Variants in ALKBH1 observed in about 807,000 individuals in gnomAD.
The protein encoded by ALKBH1 is nucleic acid dioxygenase ALKBH1.
In ALKBH1, 31 loss-of-function variants were observed where a neutral mutation model predicts 36.6. The observed-to-expected ratio is 0.85, with a 90% CI of 0.64 to 1.14. ALKBH1 has a LOEUF of 1.14. Ranked by LOEUF, ALKBH1 falls within the 50% of genes most tolerant of loss-of-function variation. The pLI, the probability that ALKBH1 is intolerant of heterozygous loss-of-function variation, is 0.00. For synonymous variants in ALKBH1, 183 were observed against 186.6 expected, an observed-to-expected ratio of 0.98 and a Z score of 0.16; for missense variants, 490 against 497.3, an observed-to-expected ratio of 0.99 and a Z score of 0.14.
At chr14:77,688,799 C>T (rs564571985) in intron 3 of ALKBH1, among the ~76,000 whole-genome samples, 16 of 151,850 alleles carry the variant, frequency 1.1e-4, no homozygotes, top group African/African-American at 2.9e-4. Context: ...CTTGAACTCC[C>T]GACCTCAGGT....
intron 3 of ALKBH1, among the ~76,000 whole-genome samples, chr14:77,688,015 C>A (rs1165309709): frequency 6.6e-6 from 1 of 152,040 alleles, no homozygotes; most frequent in Non-Finnish European, 1.5e-5. Flanking sequence ...ACAGGCATTT[C>A]AAAAAACAGT....
chr14:77,694,862 G>A lies in ALKBH1; in HGVS notation c.331C>T (p.Gln111Ter). 3 of 1,579,022 alleles carry A rather than the reference G, an allele frequency of 1.9e-6. No individual in the cohort carries two copies. The highest frequency in any genetic ancestry group is 2.6e-6 in the Non-Finnish European group (3 of 1,165,222). Residue 111 changes from glutamine (Q) to a stop codon, truncating the protein, a stop_gained, in exon 3 of 6, where the codon CAG (glutamine) becomes TAG (stop). Transcript: ENST00000216489. LOFTEE classifies it high-confidence loss of function. ...FIPNPFLPGY[Q>*]WHWVKQCLKL... ...AGGCACTGTTTCACCCAGTGCCACT[G>A]GTAACCTGGGAGGAAGGGGTTTGGG...
rs575856982 is a variant in ALKBH1 at position 77,700,523 on chromosome 14, TTA to T, written c.292+3844_292+3845del. 1.4e-3 allele frequency among the ~76,000 whole-genome samples: 211 copies of T among 152,316 alleles called. 2 individuals are homozygous for T. The highest frequency in any genetic ancestry group is 2.4e-3 in the Non-Finnish European group (162 of 68,020). On this transcript the variant is annotated intron_variant, in intron 2 of 5. Transcript: ENST00000216489. ...AGTAGCTCCAAAATACATTTGGATTTTATGTTTCATTTATCAGTAAAATTCTC... is the reference window on the plus strand; with the variant it reads ...AGTAGCTCCAAAATACATTTGGATTTTGTTTCATTTATCAGTAAAATTCTC...
chr14:77,675,688 C>G lies in ALKBH1; in HGVS notation c.708G>C (p.Glu236Asp). 1 of 1,614,136 alleles carries G rather than the reference C, an allele frequency of 6.2e-7. No homozygotes were observed. The highest frequency in any genetic ancestry group is 8.5e-7 in the Non-Finnish European group (1 of 1,180,022). The change falls in exon 5 of 6, where the codon GAG becomes GAC. Residue 236 changes from glutamate (E) to aspartate (D), a missense_variant. Physicochemically the swap from Glu to Asp is conservative, Grantham distance 45. Coordinates refer to ENST00000216489, the MANE Select transcript of ALKBH1 (RefSeq NM_006020.3). Reference sequence around the variant, plus strand: ...ACAGCAAGGGTTTGGAGTGATCTAGCTCAGATCTGTCTACGTGGATTCCCA... The same window carrying G: ...ACAGCAAGGGTTTGGAGTGATCTAGGTCAGATCTGTCTACGTGGATTCCCA... ...STLGIHVDRS[E>D]LDHSKPLLSF...
At chr14:77,704,141 A>G (rs1595060440) in intron 2 of ALKBH1, among the ~76,000 whole-genome samples, 1 of 152,316 alleles carries the variant, frequency 6.6e-6, no homozygotes, top group East Asian at 1.9e-4. Flanking sequence ...TTCAATGGTC[A>G]TGCCACTTTC....
At chr14:77,694,987 T>G in intron 2 of ALKBH1, 87 bp from the exon 3 acceptor site, 1 of 1,157,582 alleles carries the variant, frequency 8.6e-7, no homozygotes, top group Non-Finnish European at 1.1e-6. Flanking sequence ...ATACTCACTA[T>G]TTTGTTATTT....
At chr14:77,696,839 G>A (rs2080330055) in intron 2 of ALKBH1, 1 of 152,700 alleles carries the variant, frequency 6.5e-6, no homozygotes. Context: ...GGAAGTAGAT[G>A]CAGATAGAAA....
intron 2 of ALKBH1, among the ~76,000 whole-genome samples, chr14:77,702,686 T>A (rs553475281): frequency 1.3e-5 from 2 of 152,164 alleles, no homozygotes; most frequent in Non-Finnish European, 2.9e-5. Context: ...CTAACATTAC[T>A]AAATTTAAAA....
At chr14:77,700,360 C>A (rs2080352830) in intron 2 of ALKBH1, among the ~76,000 whole-genome samples, 1 of 152,160 alleles carries the variant, frequency 6.6e-6, no homozygotes, top group Non-Finnish European at 1.5e-5. Flanking sequence ...GTTGATTAAT[C>A]CTGTTCCACC....
At chr14:77,681,497 A>AG (rs2080238085) in intron 3 of ALKBH1, among the ~76,000 whole-genome samples, 1 of 152,232 alleles carries the variant, frequency 6.6e-6, no homozygotes, top group African/African-American at 2.4e-5. Context: ...TACAGAATAG[A>AG]TGCTATCTGT....
At chr14:77,707,758 C>T (rs1477507586) in intron 1 of ALKBH1, 64 bp downstream of exon 1, 2 of 1,523,256 alleles carry the variant, frequency 1.3e-6, no homozygotes, top group Non-Finnish European at 8.8e-7. Context: ...GAAGAAGACA[C>T]GTAAGTCCCT....
intron 3 of ALKBH1, among the ~76,000 whole-genome samples, chr14:77,681,258 G>A (rs1308696250): frequency 6.6e-6 from 1 of 152,196 alleles, no homozygotes; most frequent in Non-Finnish European, 1.5e-5. Context: ...GTAAACAGCA[G>A]ACTTTGAGGG....
chr14:77,700,452 TACAG>T (rs1160027850), intron 2 of ALKBH1, among the ~76,000 whole-genome samples: 6 of 152,196 alleles, frequency 3.9e-5, no homozygotes, highest in South Asian at 2.1e-4. Context: ...GGAAACCTCA[TACAG>T]ACAAAGTTTA....
At chr14:77,692,825 T>G (rs1389021378) in intron 3 of ALKBH1, among the ~76,000 whole-genome samples, 1 of 151,876 alleles carries the variant, frequency 6.6e-6, no homozygotes, top group Non-Finnish European at 1.5e-5. Flanking sequence ...TTTATTTAAT[T>G]TATTTATTTT....
intron 4 of ALKBH1, 58 bp downstream of exon 4, chr14:77,679,822 T>A: frequency 7.9e-7 from 1 of 1,264,722 alleles, no homozygotes; most frequent in Non-Finnish European, 1.2e-6. Context: ...GAAATACAAC[T>A]ATGTGGGCTA....
intron 3 of ALKBH1, among the ~76,000 whole-genome samples, chr14:77,691,143 G>A (rs560341899): frequency 2.0e-5 from 3 of 152,150 alleles, no homozygotes; most frequent in Admixed American, 2.0e-4. Flanking sequence ...CTCTAGCTAC[G>A]CCATTCACTT....
At chr14:77,676,891 G>A (rs553458285) in intron 4 of ALKBH1, among the ~76,000 whole-genome samples, 7 of 152,278 alleles carry the variant, frequency 4.6e-5, no homozygotes, top group Admixed American at 4.6e-4. Context: ...CAAAACATCG[G>A]AACTAACTCT....
chr14:77,675,377 T>G (rs1265803910), intron 5 of ALKBH1, among the ~76,000 whole-genome samples: 1 of 151,410 alleles, frequency 6.6e-6, no homozygotes, highest in Admixed American at 6.6e-5. Flanking sequence ...GAGGTTGAAG[T>G]GAGCTGAGAT....
intron 2 of ALKBH1, among the ~76,000 whole-genome samples, chr14:77,702,024 C>T (rs145069681): frequency 0.01 from 1,588 of 152,240 alleles, 32 homozygotes; most frequent in African/African-American, 0.037. Flanking sequence ...AGAGGCCGGG[C>T]GTGGTGGCTC....
Sources: gnomAD v4.1 joint callset for allele counts (sites outside exome capture counted in the v4.1 genomes callset) on GRCh38, gnomAD v4.1.1 for gene constraint, MANE v1.5 for transcripts, NCBI Gene and HGNC (gene_info 2026-07-23, HGNC 2026-07-21) for gene names.